Variants in CDH13 observed in about 807,000 individuals in gnomAD.
The protein encoded by CDH13 is cadherin 13.
A neutral mutation model predicts 63.8 loss-of-function variants in CDH13; 24 were observed. The observed-to-expected ratio is 0.38, with a 90% CI of 0.27 to 0.53. The LOEUF (loss-of-function observed/expected upper bound fraction) is 0.53. Among genes scored for constraint, CDH13 ranks in the 20% least tolerant of loss-of-function variants. The pLI, the probability that CDH13 is intolerant of heterozygous loss-of-function variation, is 0.85. For missense variants in CDH13, 1,049 were observed against 903.1 expected (o/e 1.16, Z -2.07); for synonymous variants, 503 against 355.3 (o/e 1.42, Z -4.67).
At chr16:83,702,695 C>G (rs764149966) in intron 10 of CDH13, among the ~76,000 whole-genome samples, 1 of 152,190 alleles carries the variant, frequency 6.6e-6, no homozygotes, top group Non-Finnish European at 1.5e-5. Flanking sequence ...TGCCTTGGGT[C>G]TCTTATCCAG....
chr16:83,067,516 G>A (rs2032109265), intron 3 of CDH13, among the ~76,000 whole-genome samples: 2 of 152,094 alleles, frequency 1.3e-5, no homozygotes, highest in Non-Finnish European at 1.5e-5. Context: ...ACGTACAAAC[G>A]ACAAGCATTT....
At chr16:83,528,152 A>T (rs1416771593) in intron 7 of CDH13, among the ~76,000 whole-genome samples, 1 of 152,204 alleles carries the variant, frequency 6.6e-6, no homozygotes, top group Non-Finnish European at 1.5e-5. Context: ...AATAGCAGTG[A>T]TAACTAAACA....
intron 7 of CDH13, among the ~76,000 whole-genome samples, chr16:83,586,525 A>C (rs1207861983): frequency 1.3e-5 from 2 of 152,222 alleles, no homozygotes; most frequent in Admixed American, 1.3e-4. Flanking sequence ...GAAGGGCAAG[A>C]CCAAATGTTA....
chr16:83,669,669 A>G (rs1321755210), intron 8 of CDH13, among the ~76,000 whole-genome samples: 1 of 152,176 alleles, frequency 6.6e-6, no homozygotes, highest in Non-Finnish European at 1.5e-5. Flanking sequence ...AGGCCTCAGG[A>G]TTAAGGTTTA....
chr16:82,804,669 A>G (rs2037056313), intron 1 of CDH13, among the ~76,000 whole-genome samples: 2 of 152,122 alleles, frequency 1.3e-5, no homozygotes, highest in Non-Finnish European at 2.9e-5. Flanking sequence ...ACCACAGTCA[A>G]TAATTGGTAG....
rs1374800681 is a variant in CDH13, at chr16:83,719,121, GCTTCTGC to G, written c.1539-28984_1539-28978del. ...AAACCAGCCCATTCATCTCTTGGGG[GCTTCTGC>G]CTCTCTTTCAGACAAATTATTGCAG... On this transcript the variant is annotated intron_variant, in intron 10 of 13. Transcript: ENST00000567109. Among the ~76,000 whole-genome samples the G allele has an allele frequency of 4.6e-5, 7 of 152,260 alleles. No homozygotes were observed. In the East Asian group the frequency reaches 1.4e-3, roughly 29 times the overall value.
At chr16:83,040,032 C>G (rs531567535) in intron 3 of CDH13, among the ~76,000 whole-genome samples, 8 of 151,736 alleles carry the variant, frequency 5.3e-5, no homozygotes, top group East Asian at 2.0e-4. Context: ...CTGCTTTCTT[C>G]TGCTTGTGCC....
At chr16:83,549,639 G>T (rs1375497234) in intron 7 of CDH13, among the ~76,000 whole-genome samples, 1 of 129,078 alleles carries the variant, frequency 7.7e-6, no homozygotes, top group African/African-American at 3.0e-5. Context: ...TTTTCTCTAC[G>T]CTCAAAAAAA....
chr16:82,674,728 G>A lies in CDH13; in HGVS notation c.45+47591G>A, dbSNP rs376941639. ...TTTCCAAGTCAATTACTTTGTGGATGTTTGAGGTGGGGGCACACTGGAAAG... is the reference window on the plus strand; with the variant it reads ...TTTCCAAGTCAATTACTTTGTGGATATTTGAGGTGGGGGCACACTGGAAAG... On this transcript the variant is annotated intron_variant, in intron 1 of 13. Coordinates refer to ENST00000567109, the MANE Select transcript of CDH13 (RefSeq NM_001257.5). Among the ~76,000 whole-genome samples the A allele has an allele frequency of 1.9e-3, 293 of 152,340 alleles. 7 individuals carry two copies. The South Asian group carries it at 0.055, about 29-fold the overall frequency.
chr16:82,643,267 G>T (rs1240120936), intron 1 of CDH13, among the ~76,000 whole-genome samples: 12 of 152,198 alleles, frequency 7.9e-5, no homozygotes. Context: ...CCTTGGGCAG[G>T]TCAGCCTCAG....
intron 8 of CDH13, chr16:83,655,054 G>A (rs1315398408): frequency 6.6e-6 from 1 of 152,224 alleles, no homozygotes; most frequent in African/African-American, 2.4e-5. Context: ...CAAGGACGGA[G>A]GCATACAAGG....
chr16:83,555,583 T>G (rs1429574945), intron 7 of CDH13, among the ~76,000 whole-genome samples: 1 of 152,196 alleles, frequency 6.6e-6, no homozygotes, highest in Non-Finnish European at 1.5e-5. Flanking sequence ...GATTTCCAGA[T>G]GTAAAGTTAA....
At chr16:83,507,170 C>A (rs542985086) in intron 7 of CDH13, among the ~76,000 whole-genome samples, 10 of 152,272 alleles carry the variant, frequency 6.6e-5, no homozygotes, top group Admixed American at 6.5e-4. Context: ...TGACTCAATC[C>A]CTCTTTCTTC....
At chr16:83,677,887 C>G (rs1915093188) in intron 9 of CDH13, among the ~76,000 whole-genome samples, 1 of 152,024 alleles carries the variant, frequency 6.6e-6, no homozygotes, top group Non-Finnish European at 1.5e-5. Flanking sequence ...CACTAAGGTT[C>G]AAGTCACTCA....
At chr16:83,178,373 C>T (rs1380152329) in intron 4 of CDH13, among the ~76,000 whole-genome samples, 3 of 152,180 alleles carry the variant, frequency 2.0e-5, no homozygotes, top group African/African-American at 7.2e-5. Context: ...TTGAGAACCA[C>T]TGATTTAGAT....
intron 2 of CDH13, among the ~76,000 whole-genome samples, chr16:82,959,622 T>G (rs1278269139): frequency 6.6e-6 from 1 of 152,212 alleles, no homozygotes; most frequent in Non-Finnish European, 1.5e-5. Flanking sequence ...TCAGGACCCT[T>G]GTGATTGCAT....
chr16:82,836,191 C>G (rs1006149127), intron 1 of CDH13, among the ~76,000 whole-genome samples: 1 of 152,112 alleles, frequency 6.6e-6, no homozygotes, highest in African/African-American at 2.4e-5. Context: ...CATTGGCGCC[C>G]AGGCTGGAGT....
chr16:83,647,837 G>A (rs1911979078), intron 8 of CDH13, among the ~76,000 whole-genome samples: 1 of 152,114 alleles, frequency 6.6e-6, no homozygotes, highest in African/African-American at 2.4e-5. Context: ...TGACTGGTCA[G>A]TCCTACCTGG....
At chr16:83,706,291 T>C (rs1312959849) in intron 10 of CDH13, among the ~76,000 whole-genome samples, 3 of 152,230 alleles carry the variant, frequency 2.0e-5, no homozygotes, top group African/African-American at 7.2e-5. Context: ...CTTTCGCCTT[T>C]TATGATCCAG....
Sources: gnomAD v4.1 joint callset for allele counts (sites outside exome capture counted in the v4.1 genomes callset) on GRCh38, gnomAD v4.1.1 for gene constraint, MANE v1.5 for transcripts, NCBI Gene and HGNC (gene_info 2026-07-23, HGNC 2026-07-21) for gene names.